Variants in PCBP3 observed in about 807,000 individuals in gnomAD.
The protein encoded by PCBP3 is poly(rC) binding protein 3.
A neutral mutation model predicts 52.7 loss-of-function variants in PCBP3; 25 were observed. The ratio of observed to expected loss-of-function variants is 0.47; its 90% CI spans 0.35 to 0.66. The LOEUF (loss-of-function observed/expected upper bound fraction) is 0.66. Ranked by LOEUF, PCBP3 falls within the 30% of genes least tolerant of loss-of-function variation. PCBP3 has a pLI of 0.01. For synonymous variants in PCBP3, 162 were observed against 183.0 expected (o/e 0.89, Z 0.93); for missense variants, 391 against 490.3 (o/e 0.80, Z 1.91).
chr21:45,857,918 C>T (rs888892545), intron 5 of PCBP3, among the ~76,000 whole-genome samples: 8 of 152,146 alleles, frequency 5.3e-5, no homozygotes, highest in Non-Finnish European at 1.2e-4. Flanking sequence ...CCAGTGTTGA[C>T]GGAGGTGTCG....
rs2085667889 is a variant in PCBP3, at chr21:45,734,103, G to C, written c.-199-1289G>C. ...GCATTTAAGTTACTTGGAAAGTTCAGATTTTTTGGCAGCTTGTTGCTGACT... is the reference window on the plus strand; with the variant it reads ...GCATTTAAGTTACTTGGAAAGTTCACATTTTTTGGCAGCTTGTTGCTGACT... On this transcript the variant is annotated intron_variant, in intron 2 of 17. Transcript: ENST00000681687. Among the ~76,000 whole-genome samples, 3 of 152,198 alleles carry C rather than the reference G, an allele frequency of 2.0e-5. No homozygotes were observed. The South Asian group carries it at 6.2e-4, about 32-fold the overall frequency.
chr21:45,835,986 A>G (rs1030424827), intron 4 of PCBP3, among the ~76,000 whole-genome samples: 1 of 152,182 alleles, frequency 6.6e-6, no homozygotes, highest in African/African-American at 2.4e-5. Flanking sequence ...AAAGCTGCCC[A>G]TCTTTCAGAA....
chr21:45,755,793 G>A (rs1300437627), intron 4 of PCBP3, among the ~76,000 whole-genome samples: 1 of 152,048 alleles, frequency 6.6e-6, no homozygotes, highest in Non-Finnish European at 1.5e-5. Flanking sequence ...TTTTCTTATT[G>A]TTGATTTGTG....
At chr21:45,773,891 T>C (rs2090062441) in intron 4 of PCBP3, among the ~76,000 whole-genome samples, 1 of 152,250 alleles carries the variant, frequency 6.6e-6, no homozygotes. Context: ...TCCATTTGTG[T>C]CATCTTCAAT....
In PCBP3 at chr21:45,897,790, G is replaced by A. The variant is rs142886968; in HGVS notation, c.165+1428G>A. Among the ~76,000 whole-genome samples the A allele has an allele frequency of 4.6e-3, 699 of 152,174 alleles. 6 individuals are homozygous for A. Among genetic ancestry groups the A allele is most frequent in the African/African-American group, 0.016 (656 of 41,500 alleles). ...TGGGTCCTGGGCTGCTGTGGGTCCC[G>A]AGCTGCTGTGGGTCCTGGGCTGCAC... On this transcript the variant is annotated intron_variant, in intron 6 of 17. Transcript: ENST00000681687.
intron 4 of PCBP3, among the ~76,000 whole-genome samples, chr21:45,815,077 G>T (rs934876560): frequency 3.6e-5 from 2 of 55,600 alleles, no homozygotes; most frequent in Admixed American, 3.4e-4. Flanking sequence ...GATGAGTGAT[G>T]GGTGAGTGGT....
intron 4 of PCBP3, among the ~76,000 whole-genome samples, chr21:45,776,161 C>T (rs1486396733): frequency 6.6e-6 from 1 of 151,858 alleles, no homozygotes; most frequent in Non-Finnish European, 1.5e-5. Context: ...TGGTTTTATT[C>T]TGTTGTGGTC....
At chr21:45,863,972 C>T (rs1603457395) in intron 5 of PCBP3, among the ~76,000 whole-genome samples, 1 of 152,340 alleles carries the variant, frequency 6.6e-6, no homozygotes, top group East Asian at 1.9e-4. Context: ...TGATGAGGCT[C>T]CCGTCAGGCC....
In PCBP3 at chr21:45,830,123, T is replaced by C. The variant is rs1012836097; in HGVS notation, c.-125-19838T>C. On this transcript the variant is annotated intron_variant, in intron 4 of 17. Coordinates refer to ENST00000681687, the MANE Select transcript of PCBP3 (RefSeq NM_001384156.1). The surrounding 1 kb of genome is among the most constrained non-coding windows in gnomAD (Gnocchi z 4.4). ...TGGAGGAAGCCTTCCCCTGACCCTT[T>C]TGGGGGCATGCAGTACATGTGGGCC... The C allele has an allele frequency of 1.3e-5, 2 of 152,704 alleles. No homozygotes were observed. Among genetic ancestry groups the C allele is most frequent in the African/African-American group, 2.4e-5 (1 of 41,462 alleles). The allele number at this position is 152,704 out of a possible 1,614,324, so 9.5% of individuals were successfully genotyped here.
At chr21:45,646,095 C>CTT (rs1555895765) in intron 1 of PCBP3, among the ~76,000 whole-genome samples, 12 of 87,430 alleles carry the variant, frequency 1.4e-4, no homozygotes, top group African/African-American at 3.9e-4. Context: ...CTCTCTCTCT[C>CTT]TCTCTCTCTC....
chr21:45,706,036 T>G (rs1307208870), intron 2 of PCBP3, among the ~76,000 whole-genome samples: 2 of 152,248 alleles, frequency 1.3e-5, no homozygotes, highest in African/African-American at 2.4e-5. Context: ...TTCAAGACAC[T>G]CAGTTGTCAA....
chr21:45,940,083 G>C lies in PCBP3; in HGVS notation c.963G>C (p.Gln321His). ...GGACCAAAATCAATGAAATTCGACAGATGTCTGGAGCTCAGATCAAAATCG... is the reference window on the plus strand; with the variant it reads ...GGACCAAAATCAATGAAATTCGACACATGTCTGGAGCTCAGATCAAAATCG... ...RQGTKINEIR[Q>H]MSGAQIKIAN... The change falls in exon 17 of 18, where the codon CAG becomes CAC. Residue 321 changes from glutamine (Q) to histidine (H), a missense_variant. Gln to His is a conservative substitution (Grantham distance 24). Transcript: ENST00000681687. 6.2e-7 allele frequency: 1 copy of C among 1,614,178 alleles called. No individual in the cohort carries two copies. Among genetic ancestry groups the C allele is most frequent in the Non-Finnish European group, 8.5e-7 (1 of 1,179,998 alleles).
At chr21:45,699,382 A>G (rs369193082) in intron 2 of PCBP3, among the ~76,000 whole-genome samples, 1 of 152,140 alleles carries the variant, frequency 6.6e-6, no homozygotes, top group South Asian at 2.1e-4. Flanking sequence ...CCAGAGTTCA[A>G]TCTGCCCTCC....
In PCBP3 at chr21:45,935,219, C is replaced by T. The variant is rs377264001; in HGVS notation, c.857-34C>T. On this transcript the variant is annotated intron_variant, in intron 15 of 17. Coordinates refer to ENST00000681687, the MANE Select transcript of PCBP3 (RefSeq NM_001384156.1). ...TGGAGTGTGACTGTTAGCAGCCTTCCACCAGCCTAACCATGTCCCCTTGGT... is the reference window on the plus strand; with the variant it reads ...TGGAGTGTGACTGTTAGCAGCCTTCTACCAGCCTAACCATGTCCCCTTGGT... 1.3e-5 allele frequency: 20 copies of T among 1,550,252 alleles called. No individual in the cohort carries two copies. In the African/African-American group the frequency reaches 1.6e-4, roughly 13 times the overall value.
At chr21:45,742,307 CT>C (rs955021418) in intron 3 of PCBP3, among the ~76,000 whole-genome samples, 3 of 152,206 alleles carry the variant, frequency 2.0e-5, no homozygotes, top group African/African-American at 7.2e-5. Context: ...TTGAACAAGG[CT>C]GTACCAGAGT....
Position 45,917,478 on chromosome 21 carries a change from C to T in PCBP3, c.676-110C>T, listed in dbSNP as rs1603503129. 7.3e-6 allele frequency: 6 copies of T among 823,886 alleles called. No individual in the cohort carries two copies. The highest frequency in any genetic ancestry group is 1.0e-5 in the Non-Finnish European group (5 of 488,196). 51.0% of individuals were successfully genotyped at this position (823,886 alleles called of 1,614,324 possible). ...GGATGGGGACAGGTGGAGAGGCACA[C>T]GAGGGGGAAGCTTCTACCGGAGGGT... is the stretch of plus-strand genomic sequence containing the variant. On this transcript the variant is annotated intron_variant, in intron 12 of 17. Coordinates refer to ENST00000681687, the MANE Select transcript of PCBP3 (RefSeq NM_001384156.1). The surrounding 1 kb of genome is among the most constrained non-coding windows in gnomAD (Gnocchi z 5.3).
At chr21:45,763,020 CAGTA>C (rs1282441512) in intron 4 of PCBP3, 1 of 152,236 alleles carries the variant, frequency 6.6e-6, no homozygotes, top group African/African-American at 2.4e-5. Context: ...CTTAAAGGGA[CAGTA>C]AGTATCCACA....
chr21:45,750,030 G>T (rs1051044799), intron 3 of PCBP3: 2 of 152,248 alleles, frequency 1.3e-5, no homozygotes, highest in Non-Finnish European at 2.9e-5. Context: ...CCCCTTTGGG[G>T]CGTGTCCAGG....
intron 2 of PCBP3, among the ~76,000 whole-genome samples, chr21:45,722,540 A>C (rs2084727696): frequency 6.6e-6 from 1 of 152,224 alleles, no homozygotes. Flanking sequence ...CAATCCATAC[A>C]ATCTTAAATA....
Sources: allele counts gnomAD v4.1 joint callset (sites outside exome capture counted in the v4.1 genomes callset), GRCh38; gene constraint gnomAD v4.1.1; non-coding constraint Gnocchi (gnomAD v3.1); transcripts MANE v1.5; gene names NCBI Gene and HGNC (gene_info 2026-07-23, HGNC 2026-07-21).